RRBP1: variants seen among roughly 807,000 people sequenced by gnomAD.
RRBP1 encodes ribosome-binding protein 1.
A neutral mutation model predicts 165.2 loss-of-function variants in RRBP1; 94 were observed. The ratio of observed to expected loss-of-function variants is 0.57; its 90% CI spans 0.48 to 0.68. RRBP1 has a LOEUF of 0.68. Among genes scored for constraint, RRBP1 ranks in the 30% least tolerant of loss-of-function variants. The pLI is 0.00. For synonymous variants in RRBP1, 680 were observed against 714.5 expected, an observed-to-expected ratio of 0.95 and a Z score of 0.77; for missense variants, 1,676 against 1,763.0, an observed-to-expected ratio of 0.95 and a Z score of 0.88.
chr20:17,679,226 A>C (rs757869166), intron 2 of RRBP1, among the ~76,000 whole-genome samples: 8 of 152,240 alleles, frequency 5.3e-5, no homozygotes, highest in South Asian at 2.1e-4. Context: ...CTGATTCTAA[A>C]AAGTGAACCT....
intron 13 of RRBP1, among the ~76,000 whole-genome samples, chr20:17,623,799 G>GT (rs1899737368): frequency 6.6e-6 from 1 of 152,166 alleles, no homozygotes; most frequent in South Asian, 2.1e-4. Flanking sequence ...GGGCGTGGTG[G>GT]TGCACGCCTG....
In RRBP1 at chr20:17,618,598, G is replaced by C; in HGVS notation, c.3757C>G (p.Leu1253Val). The stretch of plus-strand genomic sequence containing the variant: ...ATGGGGACATGGAGGCCACCTACCA[G>C]GGCAAGCTCATCGCTCTGTTTCTGG... ...EAQKQSDELA[L>V]VRQQLSEMKS... is the part of the protein sequence containing the mutation. The change falls in exon 20 of 25, where the codon CTG (leucine) becomes GTG (valine). Residue 1253 changes from leucine to valine, a missense_variant and splice_region_variant. Transcript: ENST00000377813. The C allele has an allele frequency of 6.2e-7, 1 of 1,613,614 alleles. No homozygotes were observed. The highest frequency in any genetic ancestry group is 8.5e-7 in the Non-Finnish European group (1 of 1,179,720).
rs1414234067 is a variant in RRBP1, at chr20:17,658,737, C to A, written c.1771G>T (p.Asp591Tyr). The A allele has an allele frequency of 1.9e-6, 3 of 1,612,732 alleles. No homozygotes were observed. Among genetic ancestry groups the A allele is most frequent in the Non-Finnish European group, 2.5e-6 (3 of 1,178,808 alleles). The change falls in exon 3 of 25, where the codon GAC becomes TAC. Residue 591 changes from aspartate to tyrosine, a missense_variant. Physicochemically the swap from Asp to Tyr is radical, Grantham distance 160 (BLOSUM62 -3). Around this residue, in one of 5 missense-constraint regions of RRBP1, gnomAD observed 1,184 missense variants for 1,167.1 expected, o/e 1.01. Transcript: ENST00000377813. ...EGSPNQGKKA[D>Y]AAANQGKKTE... is the part of the protein sequence containing the mutation. ...TTTTTACCCTGATTGGCAGCTGCGT[C>A]TGCCTTTTTGCCTTGGTTGGGGGAC...
At chr20:17,635,426 T>C in intron 7 of RRBP1, 120 bp downstream of exon 7, 1 of 727,858 alleles carries the variant, frequency 1.4e-6, no homozygotes, top group Non-Finnish European at 2.3e-6. Context: ...TCAGGACGGC[T>C]CCGCACACAT....
chr20:17,663,820 C>T (rs2036816621), intron 2 of RRBP1, among the ~76,000 whole-genome samples: 1 of 152,168 alleles, frequency 6.6e-6, no homozygotes, highest in African/African-American at 2.4e-5. Flanking sequence ...CTAGGGCTTC[C>T]TCCACTGCAC....
At chr20:17,654,604 C>T (rs562491751) in intron 3 of RRBP1, among the ~76,000 whole-genome samples, 34 of 152,320 alleles carry the variant, frequency 2.2e-4, no homozygotes, top group Middle Eastern at 3.4e-3. Context: ...GCTTTTGCTG[C>T]TTGAGCATCA....
intron 15 of RRBP1, 66 bp from the exon 16 acceptor site, chr20:17,621,613 G>A: frequency 1.9e-6 from 3 of 1,589,866 alleles, no homozygotes; most frequent in South Asian, 2.2e-5. Flanking sequence ...GCTTCCCGTT[G>A]AAATGACTTG....
intron 18 of RRBP1, 192 bp from the exon 19 acceptor site, chr20:17,619,920 C>A (rs1037161301): frequency 1.8e-6 from 1 of 555,342 alleles, no homozygotes; most frequent in Non-Finnish European, 3.2e-6. Flanking sequence ...AGGCTGCACC[C>A]GGGCACTCCT....
chr20:17,637,882 G>A (rs546893998), intron 5 of RRBP1, among the ~76,000 whole-genome samples: 49 of 152,300 alleles, frequency 3.2e-4, no homozygotes, highest in African/African-American at 9.4e-4. Flanking sequence ...CTGACACTGC[G>A]CCCCAGCACT....
intron 11 of RRBP1, 74 bp from the exon 12 acceptor site, chr20:17,625,676 A>G: frequency 8.0e-7 from 1 of 1,255,314 alleles, no homozygotes; most frequent in Non-Finnish European, 1.2e-6. Flanking sequence ...CTGAGGCCCC[A>G]TCCAGGGAGG....
intron 5 of RRBP1, among the ~76,000 whole-genome samples, chr20:17,640,976 G>A (rs75279315): frequency 0.041 from 6,187 of 152,298 alleles, 430 homozygotes; most frequent in African/African-American, 0.14. Flanking sequence ...AAGGCAGGGA[G>A]GCAGGGAGAG....
At chr20:17,653,861 C>T (rs1568778007) in intron 3 of RRBP1, among the ~76,000 whole-genome samples, 1 of 151,550 alleles carries the variant, frequency 6.6e-6, no homozygotes, top group South Asian at 2.1e-4. Flanking sequence ...AGAACAGCCT[C>T]CTGGTCCCAA....
chr20:17,625,747 C>A (rs1022661151), intron 11 of RRBP1, 145 bp from the exon 12 acceptor site: 1 of 653,222 alleles, frequency 1.5e-6, no homozygotes, highest in Non-Finnish European at 2.7e-6. Context: ...CCCCACCTCA[C>A]CCAGCGTGAG....
In RRBP1 at chr20:17,642,535, C is replaced by T. The variant is rs144615564; in HGVS notation, c.2061+444G>A. ...CTGACTCCAGTGAAGGAATGTGCCA[C>T]GCAGCACTTCTTGGGCACAGCTCTT... On this transcript the variant is annotated intron_variant, in intron 4 of 24. Coordinates refer to ENST00000377813, the MANE Select transcript of RRBP1 (RefSeq NM_001365613.2). 7.1e-4 allele frequency among the ~76,000 whole-genome samples: 108 copies of T among 152,324 alleles called. 2 individuals carry two copies. In the East Asian group the frequency reaches 0.019, roughly 26 times the overall value.
chr20:17,623,502 C>A (rs943654546), intron 13 of RRBP1, among the ~76,000 whole-genome samples: 26 of 152,220 alleles, frequency 1.7e-4, no homozygotes, highest in African/African-American at 6.0e-4. Flanking sequence ...CCCAGCACCC[C>A]AAAAGCAACC....
At position 17,616,749 on chromosome 20, in the gene RRBP1, C is replaced by G; in HGVS notation, c.3850G>C (p.Glu1284Gln). The part of the protein sequence containing the change: ...PASSPEAPPA[E>Q]QDPVQLKTQL... Reference sequence around the variant, plus strand: ...GCCCTAACCTGAACGGGGTCCTGCTCGGCTGGGGGCGCCTCTGGGGAGGAA... The same window carrying G: ...GCCCTAACCTGAACGGGGTCCTGCTGGGCTGGGGGCGCCTCTGGGGAGGAA... The change falls in exon 21 of 25, where the codon GAG (glutamate) becomes CAG (glutamine). Residue 1284 changes from glutamate to glutamine, a missense_variant. Coordinates refer to ENST00000377813, the MANE Select transcript of RRBP1 (RefSeq NM_001365613.2). 2 of 1,610,536 alleles carry G rather than the reference C, an allele frequency of 1.2e-6. No homozygotes were observed. Among genetic ancestry groups the G allele is most frequent in the Non-Finnish European group, 1.7e-6 (2 of 1,178,476 alleles).
intron 7 of RRBP1, 26 bp from the exon 8 acceptor site, chr20:17,633,639 A>G (rs2036194944): frequency 6.2e-7 from 1 of 1,611,046 alleles, no homozygotes; most frequent in African/African-American, 1.3e-5. Flanking sequence ...CAGCCCGACT[A>G]ATGGAAAGAA....
intron 3 of RRBP1, among the ~76,000 whole-genome samples, chr20:17,648,755 A>C (rs1398083071): frequency 6.6e-6 from 1 of 152,236 alleles, no homozygotes; most frequent in Non-Finnish European, 1.5e-5. Flanking sequence ...CAACAAAACC[A>C]ATTTTATACC....
At chr20:17,641,527 A>G (rs1335996823) in intron 5 of RRBP1, 2 of 530,258 alleles carry the variant, frequency 3.8e-6, no homozygotes, top group Non-Finnish European at 6.8e-6. Context: ...GATGCTGCTT[A>G]ACTTCCAAAC....
Sources: allele counts gnomAD v4.1 joint callset (sites outside exome capture counted in the v4.1 genomes callset), GRCh38; gene constraint gnomAD v4.1.1; regional missense constraint gnomAD v4.1.1; transcripts MANE v1.5; gene names NCBI Gene and HGNC (gene_info 2026-07-23, HGNC 2026-07-21).